The following NOSTRIN variants were observed in gnomAD, a reference collection of about 807,000 sequenced individuals.
NOSTRIN encodes the protein BM247 homolog.
NOSTRIN carries 63 observed loss-of-function variants against 59.0 expected under a neutral mutation model. That is an observed-to-expected ratio of 1.07 (90% CI 0.87 to 1.32). The LOEUF (loss-of-function observed/expected upper bound fraction) is 1.32, where lower values mean the gene tolerates loss of function less well. Among genes scored for constraint, NOSTRIN ranks in the 40% most tolerant of loss-of-function variants. The probability of loss-of-function intolerance (pLI) is 0.00; values close to 1 mark genes in which losing one functional copy is unlikely to be tolerated. For synonymous variants in NOSTRIN, 200 were observed against 165.4 expected, an observed-to-expected ratio of 1.21 and a Z score of -1.61; for missense variants, 512 against 473.1, an observed-to-expected ratio of 1.08 and a Z score of -0.76.
intron 2 of NOSTRIN, among the ~76,000 whole-genome samples, chr2:168,817,342 G>A (rs1686465791): frequency 6.6e-6 from 1 of 152,204 alleles, no homozygotes; most frequent in African/African-American, 2.4e-5. Flanking sequence ...GAAGCCCAGT[G>A]GCTTTCAAAC....
intron 2 of NOSTRIN, among the ~76,000 whole-genome samples, chr2:168,790,279 T>C (rs1180892953): frequency 1.3e-5 from 2 of 152,216 alleles, no homozygotes. Flanking sequence ...TGAGTTCATA[T>C]GATAAAATTA....
intron 1 of NOSTRIN, among the ~76,000 whole-genome samples, chr2:168,810,825 G>A (rs1346336164): frequency 6.6e-6 from 1 of 152,098 alleles, no homozygotes; most frequent in African/African-American, 2.4e-5. Context: ...TTGACATTTA[G>A]CTTCTCTGTT....
chr2:168,864,118 C>T (rs950077847), intron 15 of NOSTRIN, among the ~76,000 whole-genome samples: 2 of 152,070 alleles, frequency 1.3e-5, no homozygotes, highest in Non-Finnish European at 2.9e-5. Flanking sequence ...CAGGCGTGTG[C>T]CACCATGCCT....
At chr2:168,819,988 G>T (rs929811803) in intron 2 of NOSTRIN, among the ~76,000 whole-genome samples, 1 of 152,168 alleles carries the variant, frequency 6.6e-6, no homozygotes, top group African/African-American at 2.4e-5. Context: ...CTCTGAGGCT[G>T]CTGTGAATTG....
At chr2:168,810,546 A>T (rs1297811228) in intron 1 of NOSTRIN, among the ~76,000 whole-genome samples, 1 of 152,152 alleles carries the variant, frequency 6.6e-6, no homozygotes, top group East Asian at 1.9e-4. Flanking sequence ...CACTCAGTAA[A>T]TGTGAATTTC....
chr2:168,832,019 T>C (rs1482827662), intron 6 of NOSTRIN, among the ~76,000 whole-genome samples: 2 of 152,210 alleles, frequency 1.3e-5, no homozygotes, highest in Non-Finnish European at 2.9e-5. Flanking sequence ...TTTTGTTTTT[T>C]TCATTTGTAG....
rs16855923 is a variant in NOSTRIN, at chr2:168,808,020, A to G, written c.28-3547A>G. Among the ~76,000 whole-genome samples, 842 of 152,296 alleles carry G rather than the reference A, an allele frequency of 5.5e-3. 46 individuals carry two copies. In the East Asian group the frequency reaches 0.11, roughly 20 times the overall value. ...GCCACTGAAGGCAATTGAGTTTTCA[A>G]TCACTGGCTTATAAACTTTCAGCAT... On this transcript the variant is annotated intron_variant, in intron 1 of 15. Coordinates refer to ENST00000317647, the MANE Select transcript of NOSTRIN (RefSeq NM_001039724.4).
intron 10 of NOSTRIN, 81 bp downstream of exon 10, chr2:168,851,485 C>T: frequency 2.6e-6 from 4 of 1,511,358 alleles, no homozygotes. Flanking sequence ...AAATTGAAAG[C>T]AAATATCATG....
At chr2:168,800,212 G>A (rs1424535056), upstream of NOSTRIN, among the ~76,000 whole-genome samples, 1 of 151,618 alleles carries the variant, frequency 6.6e-6, no homozygotes, top group East Asian at 1.9e-4. Flanking sequence ...TAGATGACCT[G>A]CTTTTACATG....
intron 15 of NOSTRIN, among the ~76,000 whole-genome samples, chr2:168,864,112 C>A (rs529112226): frequency 1.3e-5 from 2 of 152,082 alleles, no homozygotes; most frequent in Non-Finnish European, 2.9e-5. Flanking sequence ...GGACTACAGG[C>A]GTGTGCCACC....
upstream of NOSTRIN, among the ~76,000 whole-genome samples, chr2:168,801,826 A>G (rs970462882): frequency 1.3e-5 from 2 of 152,182 alleles, no homozygotes; most frequent in African/African-American, 2.4e-5. Context: ...TGTTCTGTCT[A>G]TCCTTTTGAG....
intron 2 of NOSTRIN, among the ~76,000 whole-genome samples, chr2:168,788,471 C>G (rs548024108): frequency 6.6e-6 from 1 of 151,970 alleles, no homozygotes; most frequent in Non-Finnish European, 1.5e-5. Flanking sequence ...CTGGCAGAAT[C>G]GTAGCCCAAG....
chr2:168,813,093 C>A (rs1288067290), intron 2 of NOSTRIN, among the ~76,000 whole-genome samples: 12 of 152,154 alleles, frequency 7.9e-5, no homozygotes, highest in Admixed American at 7.9e-4. Context: ...GAGGTGCCAT[C>A]TGAGAGGGAA....
chr2:168,838,990 G>A (rs1170764253), intron 7 of NOSTRIN, among the ~76,000 whole-genome samples: 1 of 151,782 alleles, frequency 6.6e-6, no homozygotes, highest in African/African-American at 2.4e-5. Flanking sequence ...TCACCATGTT[G>A]GCCAGGCTGT....
At chr2:168,797,077 T>C (rs979306251), upstream of NOSTRIN, among the ~76,000 whole-genome samples, 1 of 53,220 alleles carries the variant, frequency 1.9e-5, no homozygotes, top group Admixed American at 3.2e-4. Context: ...TTTTTCTTTT[T>C]TCTTTTTTTT....
At chr2:168,796,195 G>A (rs1391540177), upstream of NOSTRIN, among the ~76,000 whole-genome samples, 1 of 152,226 alleles carries the variant, frequency 6.6e-6, no homozygotes, top group African/African-American at 2.4e-5. Context: ...AACAGGGAAC[G>A]CTGCTGCTCC....
chr2:168,823,352 C>T (rs529193291), intron 2 of NOSTRIN, among the ~76,000 whole-genome samples: 1 of 152,266 alleles, frequency 6.6e-6, no homozygotes, highest in African/African-American at 2.4e-5. Flanking sequence ...TAACAAAGTA[C>T]CACAGAATGA....
intron 3 of NOSTRIN, among the ~76,000 whole-genome samples, chr2:168,826,988 T>C (rs1203735616): frequency 6.6e-6 from 1 of 152,236 alleles, no homozygotes; most frequent in African/African-American, 2.4e-5. Context: ...AGGTATGCTC[T>C]TGTGCCTAAG....
chr2:168,827,041 G>T (rs75070331), intron 3 of NOSTRIN, among the ~76,000 whole-genome samples: 1,548 of 152,120 alleles, frequency 0.01, 53 homozygotes, highest in East Asian at 0.053. Context: ...GGCATCTTTT[G>T]GTCTAGTTCT....
Sources: allele counts gnomAD v4.1 joint callset (sites outside exome capture counted in the v4.1 genomes callset), GRCh38; gene constraint gnomAD v4.1.1; transcripts MANE v1.5; gene names NCBI Gene and HGNC (gene_info 2026-07-23, HGNC 2026-07-21).